Variants in KLHL1 observed in about 807,000 individuals in gnomAD.
The protein encoded by KLHL1 is kelch-like protein 1.
In KLHL1, 47 loss-of-function variants were observed where a neutral mutation model predicts 77.7. The observed-to-expected ratio is 0.60, with a 90% CI of 0.48 to 0.77. The LOEUF (loss-of-function observed/expected upper bound fraction) is 0.77. Among genes scored for constraint, KLHL1 ranks in the 30% least tolerant of loss-of-function variants. KLHL1 has a pLI of 0.00. For synonymous variants in KLHL1, 360 were observed against 325.2 expected, an observed-to-expected ratio of 1.11 and a Z score of -1.15; for missense variants, 925 against 910.8, an observed-to-expected ratio of 1.02 and a Z score of -0.20.
At chr13:69,723,845 T>TTTC (rs1555263312) in intron 8 of KLHL1, among the ~76,000 whole-genome samples, 4 of 146,738 alleles carry the variant, frequency 2.7e-5, no homozygotes, top group Admixed American at 6.8e-5. Flanking sequence ...TCAGAATTTT[T>TTTC]TTTTTTTTTT....
intron 7 of KLHL1, among the ~76,000 whole-genome samples, chr13:69,764,793 A>G (rs766917234): frequency 6.6e-6 from 1 of 152,090 alleles, no homozygotes; most frequent in African/African-American, 2.4e-5. Context: ...TCACATGCAC[A>G]TTAAAAAAGT....
chr13:69,880,596 T>C (rs1880950962), intron 5 of KLHL1, among the ~76,000 whole-genome samples: 1 of 152,112 alleles, frequency 6.6e-6, no homozygotes, highest in Non-Finnish European at 1.5e-5. Context: ...ATTCCACATA[T>C]AATGTATAGC....
intron 1 of KLHL1, among the ~76,000 whole-genome samples, chr13:69,978,016 G>A (rs193270968): frequency 5.4e-4 from 82 of 151,996 alleles, no homozygotes; most frequent in Non-Finnish European, 1.0e-3. Flanking sequence ...TTAAATATTT[G>A]AAATTAATAC....
At chr13:69,799,395 G>A (rs1024558173) in intron 6 of KLHL1, among the ~76,000 whole-genome samples, 22 of 152,118 alleles carry the variant, frequency 1.4e-4, no homozygotes, top group Admixed American at 6.6e-5. Context: ...GAAAAGTCAG[G>A]AATTGATTTG....
intron 9 of KLHL1, 79 bp from the exon 10 acceptor site, chr13:69,707,875 GC>G: frequency 8.1e-7 from 1 of 1,239,030 alleles, no homozygotes; most frequent in Non-Finnish European, 1.1e-6. Flanking sequence ...TTTTTACAAA[GC>G]CTGTCATGAA....
At chr13:69,839,542 T>A (rs1294136057) in intron 5 of KLHL1, among the ~76,000 whole-genome samples, 1 of 151,970 alleles carries the variant, frequency 6.6e-6, no homozygotes, top group Non-Finnish European at 1.5e-5. Flanking sequence ...TTCAACAAAT[T>A]AAGCCATTAC....
At chr13:69,959,856 C>T (rs1389370807) in intron 3 of KLHL1, among the ~76,000 whole-genome samples, 4 of 151,910 alleles carry the variant, frequency 2.6e-5, no homozygotes, top group African/African-American at 9.7e-5. Context: ...TTAACAAACA[C>T]AGATTGGCCT....
chr13:69,906,902 G>A (rs1882063761), intron 4 of KLHL1, among the ~76,000 whole-genome samples: 1 of 151,952 alleles, frequency 6.6e-6, no homozygotes, highest in Middle Eastern at 3.4e-3. Context: ...TCAGTTTTTA[G>A]GACTATTACT....
intron 5 of KLHL1, among the ~76,000 whole-genome samples, chr13:69,868,218 A>G (rs181300140): frequency 6.6e-6 from 1 of 152,278 alleles, no homozygotes; most frequent in East Asian, 1.9e-4. Context: ...TAGTGAAAAA[A>G]TATGCAGAAA....
At chr13:69,760,859 A>C (rs1334932934) in intron 7 of KLHL1, among the ~76,000 whole-genome samples, 2 of 152,092 alleles carry the variant, frequency 1.3e-5, no homozygotes, top group Non-Finnish European at 2.9e-5. Context: ...TGAATGTCCC[A>C]CTGTAATTTT....
At chr13:70,090,297 G>A (rs368251877) in intron 1 of KLHL1, among the ~76,000 whole-genome samples, 28 of 152,164 alleles carry the variant, frequency 1.8e-4, no homozygotes, top group East Asian at 1.2e-3. Context: ...AGGCTCCAAA[G>A]AGTAAAATTA....
chr13:69,712,772 TGG>T (rs796919925), intron 9 of KLHL1, among the ~76,000 whole-genome samples: 3 of 52,976 alleles, frequency 5.7e-5, no homozygotes, highest in Admixed American at 1.8e-4. Context: ...TTTTTTTTTT[TGG>T]GGGGGGGGTT....
chr13:69,780,745 C>CATATATATAT (rs72123116), intron 7 of KLHL1, among the ~76,000 whole-genome samples: 1 of 33,832 alleles, frequency 3.0e-5, no homozygotes, highest in Non-Finnish European at 6.8e-5. Context: ...TATATATATA[C>CATATATATAT]ATATATATAT....
intron 4 of KLHL1, among the ~76,000 whole-genome samples, chr13:69,902,220 G>C (rs756020325): frequency 2.2e-4 from 33 of 152,184 alleles, no homozygotes; most frequent in Non-Finnish European, 4.0e-4. Context: ...ATATGATCTG[G>C]AGATTTTTTA....
chr13:69,751,418 G>A (rs930412240), intron 7 of KLHL1, among the ~76,000 whole-genome samples: 2 of 151,934 alleles, frequency 1.3e-5, no homozygotes, highest in African/African-American at 4.8e-5. Flanking sequence ...ACCTGTCCAT[G>A]TGACAAAAAA....
chr13:69,911,332 C>CT (rs1593941268), intron 4 of KLHL1, among the ~76,000 whole-genome samples: 1 of 152,004 alleles, frequency 6.6e-6, no homozygotes, highest in African/African-American at 2.4e-5. Context: ...ATCAAACTCA[C>CT]TTTTTTTAAA....
chr13:69,953,289 A>C (rs1468297720), intron 3 of KLHL1, among the ~76,000 whole-genome samples: 1 of 151,230 alleles, frequency 6.6e-6, no homozygotes, highest in Non-Finnish European at 1.5e-5. Context: ...CATTTGATGT[A>C]CAACAATATT....
At chr13:70,013,994 T>C (rs929177674) in intron 1 of KLHL1, among the ~76,000 whole-genome samples, 1 of 152,144 alleles carries the variant, frequency 6.6e-6, no homozygotes, top group Non-Finnish European at 1.5e-5. Flanking sequence ...TGGTGGCTAA[T>C]AAAAGCGTTG....
chr13:70,070,044 TG>T (rs1887104309), intron 1 of KLHL1, among the ~76,000 whole-genome samples: 1 of 151,416 alleles, frequency 6.6e-6, no homozygotes, highest in Non-Finnish European at 1.5e-5. Flanking sequence ...GGCGGGCACC[TG>T]TAGTCCCAGG....
Sources: allele counts gnomAD v4.1 joint callset (sites outside exome capture counted in the v4.1 genomes callset), GRCh38; gene constraint gnomAD v4.1.1; transcripts MANE v1.5; gene names NCBI Gene and HGNC (gene_info 2026-07-23, HGNC 2026-07-21).